The following FOXP2 variants were observed in gnomAD, a reference collection of about 807,000 sequenced individuals.
FOXP2 encodes the protein forkhead box protein P2.
FOXP2 carries 12 observed loss-of-function variants against 115.8 expected under a neutral mutation model. That is an observed-to-expected ratio of 0.10 (90% CI 0.07 to 0.17). The LOEUF (loss-of-function observed/expected upper bound fraction) is 0.17. Ranked by LOEUF, FOXP2 falls within the 10% of genes least tolerant of loss-of-function variation. FOXP2 has a pLI of 1.00. For missense variants in FOXP2, 629 were observed against 843.5 expected (o/e 0.75, Z 3.15); for synonymous variants, 328 against 297.7 (o/e 1.10, Z -1.05).
At chr7:114,099,932 T>C (rs1455265125) in intron 1 of FOXP2, among the ~76,000 whole-genome samples, 1 of 152,234 alleles carries the variant, frequency 6.6e-6, no homozygotes, top group East Asian at 1.9e-4. Context: ...CAAATCAAAA[T>C]TGATGACTAC....
At chr7:114,258,060 G>C (rs1445926659) in intron 1 of FOXP2, among the ~76,000 whole-genome samples, 1 of 152,172 alleles carries the variant, frequency 6.6e-6, no homozygotes, top group Non-Finnish European at 1.5e-5. Flanking sequence ...TTTGAAACAT[G>C]ATCTTGTTTC....
At chr7:114,141,448 C>T (rs1792205120) in intron 1 of FOXP2, among the ~76,000 whole-genome samples, 1 of 152,248 alleles carries the variant, frequency 6.6e-6, no homozygotes, top group East Asian at 1.9e-4. Context: ...TATTTGGTGA[C>T]TTAGGAAATT....
intron 1 of FOXP2, among the ~76,000 whole-genome samples, chr7:114,097,815 A>C (rs1799683530): frequency 6.6e-6 from 1 of 152,214 alleles, no homozygotes; most frequent in Non-Finnish European, 1.5e-5. Context: ...CTTACAGAAG[A>C]AGCTCATTAT....
intron 1 of FOXP2, among the ~76,000 whole-genome samples, chr7:114,188,757 G>T (rs1177852186): frequency 6.6e-6 from 1 of 152,152 alleles, no homozygotes; most frequent in Admixed American, 6.5e-5. Flanking sequence ...ACTCCATGAG[G>T]ATATAGGAAG....
At chr7:114,597,766 C>T (rs1253271767) in intron 3 of FOXP2, among the ~76,000 whole-genome samples, 1 of 152,154 alleles carries the variant, frequency 6.6e-6, no homozygotes, top group African/African-American at 2.4e-5. Context: ...AGATATATTG[C>T]TTCCCATCAA....
intron 1 of FOXP2, among the ~76,000 whole-genome samples, chr7:114,180,311 C>CCTAAGACTTTCTT (rs1793424549): frequency 6.6e-6 from 1 of 151,878 alleles, no homozygotes; most frequent in Admixed American, 6.6e-5. Flanking sequence ...ACTTATTCTT[C>CCTAAGACTTTCTT]CTAAGACTTT....
chr7:114,240,018 G>T (rs529366842), intron 1 of FOXP2, among the ~76,000 whole-genome samples: 4 of 152,178 alleles, frequency 2.6e-5, no homozygotes. Flanking sequence ...TTCAAAGGAA[G>T]ACCTAGTATG....
chr7:114,211,690 A>G (rs888262267), intron 1 of FOXP2, among the ~76,000 whole-genome samples: 1 of 152,194 alleles, frequency 6.6e-6, no homozygotes, highest in African/African-American at 2.4e-5. Context: ...GCTTTAGGGA[A>G]AATGTTTATA....
chr7:114,356,824 C>T (rs951531893), intron 2 of FOXP2, among the ~76,000 whole-genome samples: 3 of 152,124 alleles, frequency 2.0e-5, no homozygotes, highest in East Asian at 1.9e-4. Flanking sequence ...ATTATATTTC[C>T]GGATTGAATG....
chr7:114,659,266 C>T, intron 11 of FOXP2, 90 bp from the exon 12 acceptor site: 1 of 950,082 alleles, frequency 1.1e-6, no homozygotes, highest in Non-Finnish European at 1.7e-6. Flanking sequence ...CTCACTGAAT[C>T]ACTTTACCAA....
intron 1 of FOXP2, among the ~76,000 whole-genome samples, chr7:114,102,141 A>G (rs748323736): frequency 6.6e-6 from 1 of 151,930 alleles, no homozygotes; most frequent in Non-Finnish European, 1.5e-5. Flanking sequence ...ATGTTTCTAT[A>G]CTGTTTCTTG....
At chr7:114,293,585 C>T (rs1222075432) in intron 2 of FOXP2, among the ~76,000 whole-genome samples, 1 of 152,184 alleles carries the variant, frequency 6.6e-6, no homozygotes. Flanking sequence ...TCATAATCCC[C>T]ACTTGTTGTG....
Position 114,297,330 on chromosome 7 carries a change from A to T in FOXP2, c.-11+9221A>T, listed in dbSNP as rs1796764953. 33 of 598,116 alleles carry T rather than the reference A, an allele frequency of 5.5e-5. 3 individuals carry two copies. Among genetic ancestry groups the T allele is most frequent in the South Asian group, 5.4e-4 (32 of 59,196 alleles). The allele number at this position is 598,116 out of a possible 1,614,324, so 37.1% of individuals were successfully genotyped here. A position where few individuals can be genotyped will look rare whatever the true frequency, so the allele number is the denominator to read the frequency against. On this transcript the variant is annotated intron_variant, in intron 2 of 17. Transcript: ENST00000634411. ...CCACGCAAACTTGGTGTGCTTGGTC[A>T]GGCGCCCGTGGTGGCGGCTGTGCCT...
chr7:114,622,001 G>T (rs1049851044), intron 3 of FOXP2, among the ~76,000 whole-genome samples: 2 of 151,968 alleles, frequency 1.3e-5, no homozygotes, highest in Non-Finnish European at 2.9e-5. Context: ...ATGACTGACT[G>T]AAGAATCACA....
At chr7:114,447,685 C>G (rs1388028211) in intron 2 of FOXP2, among the ~76,000 whole-genome samples, 5 of 152,128 alleles carry the variant, frequency 3.3e-5, no homozygotes, top group African/African-American at 1.2e-4. Flanking sequence ...TATTTTGAAT[C>G]TGAGATTTAA....
At chr7:114,494,658 A>C (rs1452677793) in intron 2 of FOXP2, among the ~76,000 whole-genome samples, 1 of 152,196 alleles carries the variant, frequency 6.6e-6, no homozygotes, top group Non-Finnish European at 1.5e-5. Context: ...AAACAATGGA[A>C]GATGTATTTG....
At chr7:114,639,962 A>T (rs1013288279) in intron 6 of FOXP2, among the ~76,000 whole-genome samples, 1 of 152,210 alleles carries the variant, frequency 6.6e-6, no homozygotes, top group Admixed American at 6.5e-5. Flanking sequence ...TAGAGAGAAT[A>T]CTTGGATACT....
chr7:114,198,548 A>G (rs1333617314), intron 1 of FOXP2, among the ~76,000 whole-genome samples: 2 of 152,190 alleles, frequency 1.3e-5, no homozygotes, highest in African/African-American at 2.4e-5. Flanking sequence ...GCAGTTCACA[A>G]TAGGGCTCGC....
chr7:114,410,132 C>G (rs868158374), upstream of FOXP2, among the ~76,000 whole-genome samples: 9 of 152,216 alleles, frequency 5.9e-5, no homozygotes, highest in South Asian at 1.9e-3. Context: ...CAGCTATTAT[C>G]TTTCCTAGTT....
Sources: allele counts gnomAD v4.1 joint callset (sites outside exome capture counted in the v4.1 genomes callset), GRCh38; gene constraint gnomAD v4.1.1; transcripts MANE v1.5; gene names NCBI Gene and HGNC (gene_info 2026-07-23, HGNC 2026-07-21).